NYAP2: variants seen among roughly 807,000 people sequenced by gnomAD.
The protein encoded by NYAP2 is neuronal tyrosine-phosphorylated phosphoinositide-3-kinase adapter 2.
In NYAP2, 23 loss-of-function variants were observed where a neutral mutation model predicts 50.4. The observed-to-expected ratio is 0.46, with a 90% CI of 0.33 to 0.65. The LOEUF (loss-of-function observed/expected upper bound fraction) is 0.65. NYAP2 is among the 30% of genes least tolerant of loss of function. The probability of loss-of-function intolerance (pLI) is 0.02; values close to 1 mark genes in which losing one functional copy is unlikely to be tolerated. For synonymous variants in NYAP2, 394 were observed against 365.2 expected (o/e 1.08, Z -0.90); for missense variants, 885 against 861.0 (o/e 1.03, Z -0.35).
At chr2:225,599,362 C>T (rs1359032140) in intron 5 of NYAP2, among the ~76,000 whole-genome samples, 1 of 152,148 alleles carries the variant, frequency 6.6e-6, no homozygotes, top group African/African-American at 2.4e-5. Flanking sequence ...GTGCTGAGGC[C>T]TATGAAAGTA....
chr2:225,622,355 G>C (rs1251185881), intron 5 of NYAP2, among the ~76,000 whole-genome samples: 1 of 151,828 alleles, frequency 6.6e-6, no homozygotes, highest in Admixed American at 6.6e-5. Context: ...ATTTTTCCTT[G>C]CTTTGTTTTT....
intron 3 of NYAP2, among the ~76,000 whole-genome samples, chr2:225,509,200 G>T (rs567674727): frequency 6.6e-6 from 1 of 152,242 alleles, no homozygotes; most frequent in African/African-American, 2.4e-5. Flanking sequence ...TGAGAAGTTG[G>T]AGTCCTTAGT....
At chr2:225,492,676 C>G (rs553111221) in intron 3 of NYAP2, among the ~76,000 whole-genome samples, 1 of 152,210 alleles carries the variant, frequency 6.6e-6, no homozygotes, top group East Asian at 1.9e-4. Context: ...CTGGAGAGGC[C>G]TCAGGAAGTG....
At chr2:225,686,122 T>G in the NYAP2 span, among the ~76,000 whole-genome samples, 1 of 152,112 alleles carries the variant, frequency 6.6e-6, no homozygotes, top group Non-Finnish European at 1.5e-5. Context: ...ATGGGTAGGT[T>G]TTCATTGTAT....
intron 4 of NYAP2, among the ~76,000 whole-genome samples, chr2:225,548,085 A>G (rs1167500013): frequency 2.6e-5 from 4 of 152,000 alleles, no homozygotes; most frequent in African/African-American, 9.7e-5. Flanking sequence ...TTACAAACTA[A>G]TTTTTACCAT....
chr2:225,579,239 G>A (rs945313273), intron 4 of NYAP2, among the ~76,000 whole-genome samples: 1 of 152,054 alleles, frequency 6.6e-6, no homozygotes, highest in Admixed American at 6.5e-5. Flanking sequence ...TGGAAGTTAG[G>A]GCTTCAACAG....
intron 3 of NYAP2, among the ~76,000 whole-genome samples, chr2:225,453,856 T>C (rs905636573): frequency 7.0e-6 from 1 of 143,622 alleles, no homozygotes; most frequent in African/African-American, 2.8e-5. Context: ...TTTTTTTTTT[T>C]AGTAGAGACA....
At chr2:225,580,186 T>C (rs1366262965) in intron 4 of NYAP2, among the ~76,000 whole-genome samples, 1 of 152,248 alleles carries the variant, frequency 6.6e-6, no homozygotes, top group Non-Finnish European at 1.5e-5. Flanking sequence ...TTCTTCCAAG[T>C]CCTGACCAAA....
At chr2:225,572,700 C>T (rs1692095451) in intron 4 of NYAP2, among the ~76,000 whole-genome samples, 1 of 152,192 alleles carries the variant, frequency 6.6e-6, no homozygotes, top group South Asian at 2.1e-4. Flanking sequence ...TAAAAGCTTT[C>T]TCATCGAATC....
intron 3 of NYAP2, among the ~76,000 whole-genome samples, chr2:225,484,627 T>C (rs1690259064): frequency 6.6e-6 from 1 of 152,250 alleles, no homozygotes; most frequent in Non-Finnish European, 1.5e-5. Context: ...AGACATCTTT[T>C]ACTCTTTCTA....
chr2:225,680,783 A>T, the NYAP2 span, among the ~76,000 whole-genome samples: 1 of 152,192 alleles, frequency 6.6e-6, no homozygotes, highest in Non-Finnish European at 1.5e-5. Context: ...CATTCAGAAA[A>T]AAACAAAGCA....
intron 5 of NYAP2, among the ~76,000 whole-genome samples, chr2:225,614,393 T>C (rs1343208698): frequency 1.3e-5 from 2 of 152,212 alleles, no homozygotes. Context: ...GGCACTAGCC[T>C]CATTCAAATT....
chr2:225,553,968 C>A (rs959992960), intron 4 of NYAP2, among the ~76,000 whole-genome samples: 1 of 151,934 alleles, frequency 6.6e-6, no homozygotes, highest in African/African-American at 2.4e-5. Flanking sequence ...TGTAGTGAGC[C>A]GAGTTTGCCC....
intron 5 of NYAP2, among the ~76,000 whole-genome samples, chr2:225,626,257 G>T (rs1693208614): frequency 6.6e-6 from 1 of 152,212 alleles, no homozygotes. Flanking sequence ...ACAATTAGAT[G>T]ATTGCTAACT....
chr2:225,648,083 C>T (rs1484053569), intron 6 of NYAP2, among the ~76,000 whole-genome samples: 2 of 152,162 alleles, frequency 1.3e-5, no homozygotes, highest in South Asian at 2.1e-4. Flanking sequence ...TCAGTGCAAC[C>T]TCTGCCTCCC....
chr2:225,426,297 G>T (rs1695286924), intron 3 of NYAP2, among the ~76,000 whole-genome samples: 1 of 152,096 alleles, frequency 6.6e-6, no homozygotes, highest in South Asian at 2.1e-4. Context: ...TCACTGGGCT[G>T]CAGTTTTCTC....
intron 4 of NYAP2, among the ~76,000 whole-genome samples, chr2:225,514,858 A>G (rs1038578193): frequency 2.6e-5 from 4 of 152,120 alleles, no homozygotes; most frequent in African/African-American, 9.7e-5. Flanking sequence ...GCTCTAGGGT[A>G]CCAAGTATAT....
chr2:225,431,889 AC>A (rs1291674123), intron 3 of NYAP2, among the ~76,000 whole-genome samples: 1 of 152,206 alleles, frequency 6.6e-6, no homozygotes, highest in Admixed American at 6.5e-5. Flanking sequence ...ATGACGTGTG[AC>A]AAAATAATAA....
chr2:225,662,648 C>T, the NYAP2 span, among the ~76,000 whole-genome samples: 145,192 of 152,360 alleles, frequency 0.95, 69,286 homozygotes, highest in African/African-American at 0.99. Flanking sequence ...ACAGGGATGG[C>T]ATTTGGAATG....
Sources: allele counts gnomAD v4.1 joint callset (sites outside exome capture counted in the v4.1 genomes callset), GRCh38; gene constraint gnomAD v4.1.1; transcripts MANE v1.5; gene names NCBI Gene and HGNC (gene_info 2026-07-23, HGNC 2026-07-21).